Variants in POTEI observed in about 807,000 individuals in gnomAD.
POTEI encodes POTE ankyrin domain family member I.
A neutral mutation model predicts 43.4 loss-of-function variants in POTEI; 14 were observed. The observed-to-expected ratio is 0.32, with a 90% CI of 0.21 to 0.50. The LOEUF (loss-of-function observed/expected upper bound fraction) is 0.50. Ranked by LOEUF, POTEI falls within the 20% of genes least tolerant of loss-of-function variation. The probability of loss-of-function intolerance (pLI) is 0.98; values close to 1 mark genes in which losing one functional copy is unlikely to be tolerated. For missense variants in POTEI, 235 were observed against 795.4 expected (o/e 0.30, Z 8.47); for synonymous variants, 95 against 297.9 (o/e 0.32, Z 7.01).
chr2:130,482,252 GA>G (rs898232884), intron 9 of POTEI, among the ~76,000 whole-genome samples, 179 bp from the exon 10 acceptor site: 1 of 135,420 alleles, frequency 7.4e-6, no homozygotes, highest in African/African-American at 3.1e-5. Flanking sequence ...AATTAAAGAA[GA>G]AAAAAAAGTA....
In POTEI at chr2:130,495,640, T is replaced by G. The variant is rs1392607537; in HGVS notation, c.1126+912A>C. ...AATGTATTAGGTGTCCACAACCAGG[T>G]AGCATACTAGCATTTTTGTTAGTGT... On this transcript the variant is annotated intron_variant, in intron 6 of 14. Coordinates refer to ENST00000451531, the MANE Select transcript of POTEI (RefSeq NM_001277406.2). Among the ~76,000 whole-genome samples the G allele has an allele frequency of 4.7e-5, 2 of 42,254 alleles. 1 individual carries two copies. The highest frequency in any genetic ancestry group is 1.1e-4 in the African/African-American group (2 of 17,434). 27.7% of individuals were successfully genotyped at this position (42,254 alleles called of 152,430 possible).
chr2:130,460,292 C>A lies in POTEI; in HGVS notation c.*2524G>T, dbSNP rs1384753664. The A allele has an allele frequency of 6.6e-6, 1 of 151,900 alleles. No homozygotes were observed. The highest frequency in any genetic ancestry group is 6.5e-5 in the Admixed American group (1 of 15,272). The allele number at this position is 151,900 out of a possible 1,614,324, so 9.4% of individuals were successfully genotyped here. On this transcript the variant is annotated 3_prime_UTR_variant, in exon 15 of 15. Transcript: ENST00000451531. ...AGATCAGGTCTCAGAGGAGAACTCT[C>A]TCAAAAGTGAACCCCCAGCACAGCA...
intron 1 of POTEI, among the ~76,000 whole-genome samples, chr2:130,507,292 A>ATATATATATG: frequency 1.0e-4 from 1 of 9,922 alleles, no homozygotes; most frequent in African/African-American, 1.2e-4. Context: ...ATATATATAT[A>ATATATATATG]TATATATATA....
chr2:130,472,136 A>G (rs1683049442), intron 13 of POTEI, among the ~76,000 whole-genome samples: 1 of 142,410 alleles, frequency 7.0e-6, no homozygotes, highest in Admixed American at 7.3e-5. Flanking sequence ...AAAAATGCCT[A>G]GATTTAGTAC....
At chr2:130,488,697 T>G (rs1372537838) in intron 8 of POTEI, among the ~76,000 whole-genome samples, 1 of 117,924 alleles carries the variant, frequency 8.5e-6, no homozygotes, top group Non-Finnish European at 1.8e-5. Context: ...TCTACCCCAC[T>G]GCCTTTGAGC....
chr2:130,483,923 C>T (rs1192191778), intron 9 of POTEI, among the ~76,000 whole-genome samples: 1 of 150,686 alleles, frequency 6.6e-6, no homozygotes, highest in Non-Finnish European at 1.5e-5. Context: ...AAACAATATA[C>T]ACAGGATAAA....
In POTEI at chr2:130,463,668, G is replaced by A. The variant is rs199671524; in HGVS notation, c.2376C>T (p.Asn792=). Residue 792 remains asparagine (N), a synonymous_variant, in exon 15 of 15, where the codon AAC becomes AAT. Transcript: ENST00000451531. ...MEKIWHHTFY[N]ELRVAPEEHP... ...GCTCCTCAGGGGCCACACGCAGCTC[G>A]TTGTAGAAGGTGTGGTGCCAGATCT... 4.0e-4 allele frequency: 635 copies of A among 1,606,766 alleles called. 3 individuals are homozygous for A. Among genetic ancestry groups the A allele is most frequent in the Non-Finnish European group, 4.5e-4 (528 of 1,179,276 alleles).
rs1683835854 is a variant in POTEI at position 130,494,052 on chromosome 2, C to G, written c.1126+2500G>C. 4.7e-5 allele frequency among the ~76,000 whole-genome samples: 2 copies of G among 42,592 alleles called. 1 individual carries two copies. The highest frequency in any genetic ancestry group is 1.1e-4 in the Non-Finnish European group (2 of 18,218). 27.9% of individuals were successfully genotyped at this position (42,592 alleles called of 152,430 possible). A position where few individuals can be genotyped will look rare whatever the true frequency, so the allele number is the denominator to read the frequency against. ...AGAACCTTCCATCAATCCCAGCAAA[C>G]TATAGGCCACAGGCCAAATCCAATC... On this transcript the variant is annotated intron_variant, in intron 6 of 14. Coordinates refer to ENST00000451531, the MANE Select transcript of POTEI (RefSeq NM_001277406.2).
chr2:130,467,255 TG>T (rs1192842610), intron 13 of POTEI, among the ~76,000 whole-genome samples: 10 of 102,978 alleles, frequency 9.7e-5, no homozygotes, highest in Admixed American at 8.4e-4. Flanking sequence ...TCACATTACC[TG>T]ACTTCAAATG....
At position 130,492,968 on chromosome 2, in the gene POTEI, A is replaced by T. The variant is rs1225793582; in HGVS notation, c.1127-2228T>A. Reference sequence around the variant, plus strand: ...CACTCTCAAGTTTATGTTAAATACTAGCCTATACAAAAAACACTCTTTCTC... The same window carrying T: ...CACTCTCAAGTTTATGTTAAATACTTGCCTATACAAAAAACACTCTTTCTC... On this transcript the variant is annotated intron_variant, in intron 6 of 14. Coordinates refer to ENST00000451531, the MANE Select transcript of POTEI (RefSeq NM_001277406.2). Among the ~76,000 whole-genome samples the T allele has an allele frequency of 4.0e-5, 6 of 151,186 alleles. No individual in the cohort carries two copies. The Admixed American group carries it at 4.0e-4, about 10-fold the overall frequency.
chr2:130,469,323 TA>T (rs1682975757), intron 13 of POTEI, among the ~76,000 whole-genome samples: 1 of 135,400 alleles, frequency 7.4e-6, no homozygotes, highest in African/African-American at 3.1e-5. Context: ...GTAGCCATGG[TA>T]ACAAGAAGCC....
Position 130,507,412 on chromosome 2 carries a change from ATATG to A in POTEI, c.521+1299_521+1302del, listed in dbSNP as rs1239900106. Among the ~76,000 whole-genome samples, 18 of 1,420 alleles carry A rather than the reference ATATG, an allele frequency of 0.013. No homozygotes were observed. The Non-Finnish European group carries it at 0.14, about 11-fold the overall frequency. The allele number at this position is 1,420 out of a possible 152,430, so 0.9% of individuals were successfully genotyped here. ...TATATATATGTATATATGTGTATATATATGTATATATATATATATCTGCGTATAT... is the reference window on the plus strand; with the variant it reads ...TATATATATGTATATATGTGTATATATATATATATATATATCTGCGTATAT... On this transcript the variant is annotated intron_variant, in intron 1 of 14. Transcript: ENST00000451531.
intron 6 of POTEI, among the ~76,000 whole-genome samples, chr2:130,491,823 T>C (rs1683748321): frequency 1.3e-5 from 1 of 77,060 alleles, no homozygotes; most frequent in African/African-American, 3.6e-5. Context: ...CCCTGCTAAT[T>C]TTCGTGTTTT....
intron 13 of POTEI, among the ~76,000 whole-genome samples, chr2:130,467,626 CTAAT>C (rs1682876424): frequency 6.6e-6 from 1 of 151,688 alleles, no homozygotes; most frequent in Admixed American, 6.6e-5. Flanking sequence ...TAAATAAGAC[CTAAT>C]TAAACTAAAA....
At chr2:130,473,854 T>C (rs1445759552) in intron 13 of POTEI, among the ~76,000 whole-genome samples, 679 of 94,894 alleles carry the variant, frequency 7.2e-3, no homozygotes, top group African/African-American at 0.025. Context: ...CTGGAGGCCA[T>C]TATCCTAAGA....
intron 1 of POTEI, among the ~76,000 whole-genome samples, chr2:130,505,152 T>G (rs1157779295): frequency 2.1e-4 from 32 of 148,950 alleles, no homozygotes; most frequent in African/African-American, 4.0e-4. Flanking sequence ...CCACCTGTAA[T>G]TGAGAACGTG....
At chr2:130,474,090 C>G (rs1334769720) in intron 13 of POTEI, among the ~76,000 whole-genome samples, 8 of 147,458 alleles carry the variant, frequency 5.4e-5, no homozygotes, top group African/African-American at 1.3e-4. Flanking sequence ...TACAGTTTAC[C>G]TATATAATAA....
Position 130,508,933 on chromosome 2 carries a change from C to T in POTEI, c.303G>A (p.Trp101Ter), listed in dbSNP as rs554023012. The change falls in exon 1 of 15, where the codon TGG becomes TGA. Residue 101 changes from tryptophan (W) to a stop codon, truncating the protein, a stop_gained. Transcript: ENST00000451531. LOFTEE classifies it high-confidence loss of function. ...TGCAGCAGGGGAAGCAGTGGCAGCA[C>T]CACTTGCCCATCTTGCTCCTGAGCG... Reference protein sequence around the residue: ...MKTLRSKMGKWCCHCFPCCRG... With the variant: ...MKTLRSKMGK 270 of 1,587,590 alleles carry T rather than the reference C, an allele frequency of 1.7e-4. 9 individuals carry two copies. In the African/African-American group the frequency reaches 2.9e-3, roughly 17 times the overall value.
intron 11 of POTEI, 35 bp from the exon 12 acceptor site, chr2:130,474,986 T>A: frequency 3.1e-6 from 1 of 318,244 alleles, no homozygotes; most frequent in Non-Finnish European, 5.6e-6. Context: ...AATTTGCTTG[T>A]TGTATTTCTG....
Sources: allele counts gnomAD v4.1 joint callset (sites outside exome capture counted in the v4.1 genomes callset), GRCh38; gene constraint gnomAD v4.1.1; transcripts MANE v1.5; gene names NCBI Gene and HGNC (gene_info 2026-07-23, HGNC 2026-07-21).